CFAP20DC: variants seen among roughly 807,000 people sequenced by gnomAD.
CFAP20DC encodes the protein protein CFAP20DC.
In CFAP20DC, 84 loss-of-function variants were observed where a neutral mutation model predicts 101.7. The ratio of observed to expected loss-of-function variants is 0.83; its 90% CI spans 0.69 to 0.99. The LOEUF (loss-of-function observed/expected upper bound fraction) is 0.99. CFAP20DC is among the 50% of genes least tolerant of loss of function. The probability of loss-of-function intolerance (pLI) is 0.00; values close to 1 mark genes in which losing one functional copy is unlikely to be tolerated. For missense variants in CFAP20DC, 1,007 were observed against 970.3 expected (o/e 1.04, Z -0.50); for synonymous variants, 359 against 351.2 (o/e 1.02, Z -0.25).
At chr3:58,817,968 A>G (rs1240648815) in intron 14 of CFAP20DC, among the ~76,000 whole-genome samples, 52 of 150,768 alleles carry the variant, frequency 3.4e-4, no homozygotes, top group African/African-American at 1.2e-3. Flanking sequence ...AAGCCAGAAG[A>G]GAGTGGGAGC....
intron 4 of CFAP20DC, among the ~76,000 whole-genome samples, chr3:59,026,275 A>T (rs2093890971): frequency 6.6e-6 from 1 of 152,166 alleles, no homozygotes; most frequent in South Asian, 2.1e-4. Flanking sequence ...TTTAGTGTAC[A>T]ATACTTCTAG....
chr3:58,831,713 T>C lies in CFAP20DC; in HGVS notation c.2148A>G (p.Thr716=), dbSNP rs1353190005. 3 of 1,613,920 alleles carry C rather than the reference T, an allele frequency of 1.9e-6. No individual in the cohort carries two copies. Among genetic ancestry groups the C allele is most frequent in the South Asian group, 2.2e-5 (2 of 91,074 alleles). ...GTGGCAGGCAGGAGTTCCAGGTGGT[T>C]GTGTCGTCACTGCTGGTACTTATGC... The part of the protein sequence containing the change: ...NVSISTSSDD[T]TTWNSCLPPP... Residue 716 remains threonine, a synonymous_variant, in exon 14 of 17, where the codon ACA becomes ACG. Transcript: ENST00000482387.
chr3:58,975,473 A>G (rs1192633006), intron 4 of CFAP20DC, among the ~76,000 whole-genome samples: 1 of 152,178 alleles, frequency 6.6e-6, no homozygotes, highest in Non-Finnish European at 1.5e-5. Context: ...ATTTATAGAA[A>G]TATATCCAGG....
chr3:58,772,819 G>C (rs919788440), intron 15 of CFAP20DC, among the ~76,000 whole-genome samples: 1 of 152,078 alleles, frequency 6.6e-6, no homozygotes, highest in African/African-American at 2.4e-5. Context: ...GAACAGTATA[G>C]TCTTATCCTT....
intron 14 of CFAP20DC, among the ~76,000 whole-genome samples, chr3:58,812,322 T>C (rs1250214012): frequency 2.0e-5 from 3 of 152,020 alleles, no homozygotes; most frequent in East Asian, 1.9e-4. Context: ...CCAACAATGA[T>C]AGAATGGATT....
chr3:58,784,382 G>A (rs576134634), intron 15 of CFAP20DC, among the ~76,000 whole-genome samples: 2 of 152,072 alleles, frequency 1.3e-5, no homozygotes, highest in East Asian at 3.9e-4. Flanking sequence ...TAGAAGGAAG[G>A]GAGGGAGGCA....
At chr3:58,992,898 T>G (rs976163429) in intron 4 of CFAP20DC, among the ~76,000 whole-genome samples, 18 of 152,054 alleles carry the variant, frequency 1.2e-4, no homozygotes, top group African/African-American at 4.3e-4. Context: ...TTTTAAAGCT[T>G]ATTTAAAATA....
At chr3:58,908,306 C>G (rs887767105) in intron 6 of CFAP20DC, among the ~76,000 whole-genome samples, 1 of 152,060 alleles carries the variant, frequency 6.6e-6, no homozygotes, top group African/African-American at 2.4e-5. Context: ...CTCTGACTTC[C>G]TATTTTGAAA....
chr3:58,969,105 T>A (rs1487577968), intron 4 of CFAP20DC, among the ~76,000 whole-genome samples: 2 of 152,230 alleles, frequency 1.3e-5, no homozygotes, highest in African/African-American at 4.8e-5. Context: ...TTTTGGTTAC[T>A]GTAGCCCTGT....
At chr3:58,845,271 C>T (rs896237604) in intron 13 of CFAP20DC, among the ~76,000 whole-genome samples, 67 of 150,568 alleles carry the variant, frequency 4.4e-4, no homozygotes, top group Non-Finnish European at 6.4e-4. Flanking sequence ...TCTAGCAAGA[C>T]TAATAAAGAA....
chr3:58,885,326 G>A (rs372397036), intron 6 of CFAP20DC, among the ~76,000 whole-genome samples: 2 of 151,682 alleles, frequency 1.3e-5, no homozygotes, highest in South Asian at 2.1e-4. Flanking sequence ...ATATTTATAT[G>A]GATATATTAA....
chr3:58,855,380 C>T (rs2078679210), intron 12 of CFAP20DC, among the ~76,000 whole-genome samples: 1 of 152,154 alleles, frequency 6.6e-6, no homozygotes, highest in African/African-American at 2.4e-5. Context: ...CACTTTTACA[C>T]TGTTGCTGGG....
chr3:58,807,805 A>G (rs918140778), intron 14 of CFAP20DC, among the ~76,000 whole-genome samples: 1 of 152,220 alleles, frequency 6.6e-6, no homozygotes, highest in Non-Finnish European at 1.5e-5. Flanking sequence ...CAAAGAAGTT[A>G]AAAACTTTGA....
At chr3:58,716,647 C>T (rs754025329), downstream of CFAP20DC, among the ~76,000 whole-genome samples, 4 of 152,204 alleles carry the variant, frequency 2.6e-5, no homozygotes, top group South Asian at 2.1e-4. Flanking sequence ...GCCTGCACTG[C>T]GATTCTCCTA....
intron 4 of CFAP20DC, among the ~76,000 whole-genome samples, chr3:58,961,831 T>A (rs1027555148): frequency 2.0e-5 from 3 of 152,180 alleles, no homozygotes; most frequent in African/African-American, 7.2e-5. Context: ...TTCACAGTAT[T>A]CTCTTATCAT....
chr3:58,733,236 G>A (rs368576066), intron 3 of CFAP20DC, among the ~76,000 whole-genome samples: 2 of 152,174 alleles, frequency 1.3e-5, no homozygotes, highest in East Asian at 1.9e-4. Context: ...GGAGGCTGAG[G>A]CAGGAGAATC....
intron 13 of CFAP20DC, among the ~76,000 whole-genome samples, chr3:58,839,419 G>A (rs1398152630): frequency 6.6e-6 from 1 of 152,168 alleles, no homozygotes; most frequent in African/African-American, 2.4e-5. Flanking sequence ...AAAGTAAGGA[G>A]CACCTTGTGG....
intron 3 of CFAP20DC, among the ~76,000 whole-genome samples, chr3:58,718,233 A>G (rs1289350255): frequency 6.6e-6 from 1 of 152,196 alleles, no homozygotes; most frequent in East Asian, 1.9e-4. Context: ...CACTTCTTTT[A>G]TTTCCTCTAA....
chr3:58,806,899 G>A (rs1014060444), intron 14 of CFAP20DC, among the ~76,000 whole-genome samples: 2 of 152,132 alleles, frequency 1.3e-5, no homozygotes, highest in African/African-American at 2.4e-5. Flanking sequence ...TTAAAAAACG[G>A]CGCACCAGGA....
Sources: allele counts gnomAD v4.1 joint callset (sites outside exome capture counted in the v4.1 genomes callset), GRCh38; gene constraint gnomAD v4.1.1; transcripts MANE v1.5; gene names NCBI Gene and HGNC (gene_info 2026-07-23, HGNC 2026-07-21).